COG7: variants seen among roughly 807,000 people sequenced by gnomAD.
COG7 encodes component of oligomeric golgi complex 7.
A neutral mutation model predicts 91.5 loss-of-function variants in COG7; 49 were observed. The ratio of observed to expected loss-of-function variants is 0.54; its 90% CI spans 0.43 to 0.68. The LOEUF (loss-of-function observed/expected upper bound fraction) is 0.68, where lower values mean the gene tolerates loss of function less well. COG7 is among the 30% of genes least tolerant of loss of function. The pLI, the probability that COG7 is intolerant of heterozygous loss-of-function variation, is 0.00. For synonymous variants in COG7, 365 were observed against 388.7 expected (o/e 0.94, Z 0.72); for missense variants, 895 against 961.3 (o/e 0.93, Z 0.91).
At chr16:23,429,258 G>C (rs1177447599) in intron 6 of COG7, among the ~76,000 whole-genome samples, 1 of 152,164 alleles carries the variant, frequency 6.6e-6, no homozygotes, top group African/African-American at 2.4e-5. Flanking sequence ...CCAAAGTGCT[G>C]AGATTACAGG....
intron 5 of COG7, 31 bp from the exon 6 acceptor site, chr16:23,433,698 G>A (rs1963969094): frequency 6.2e-7 from 1 of 1,613,180 alleles, no homozygotes; most frequent in East Asian, 2.2e-5. Flanking sequence ...GAACCTTATT[G>A]GGTACGTCAA....
chr16:23,403,904 T>C, intron 12 of COG7, 70 bp from the exon 13 acceptor site: 1 of 1,590,166 alleles, frequency 6.3e-7, no homozygotes, highest in Non-Finnish European at 8.6e-7. Context: ...TAGTTAACCA[T>C]TTTGAAAACT....
At chr16:23,440,395 G>A (rs1964082033) in intron 4 of COG7, among the ~76,000 whole-genome samples, 1 of 149,268 alleles carries the variant, frequency 6.7e-6, no homozygotes, top group Non-Finnish European at 1.5e-5. Flanking sequence ...AAGAATCTAA[G>A]GTATTACAAT....
At chr16:23,403,054 G>A (rs756606778) in intron 13 of COG7, among the ~76,000 whole-genome samples, 34 of 152,194 alleles carry the variant, frequency 2.2e-4, no homozygotes, top group African/African-American at 4.8e-4. Context: ...GGGCTGTCCC[G>A]CCCAGTAATC....
Position 23,426,834 on chromosome 16 carries a change from AAAAG to A in COG7, c.811-1891_811-1888del, listed in dbSNP as rs1227960398. 1.6e-3 allele frequency among the ~76,000 whole-genome samples: 240 copies of A among 146,060 alleles called. 1 individual carries two copies. The highest frequency in any genetic ancestry group is 3.4e-3 in the Middle Eastern group (1 of 290). ...GCAATTGGACAAAAAAAAAAAAAAA[AAAAG>A]AAAGAAAGAAAGAAAGAAAGAAAAG... On this transcript the variant is annotated intron_variant, in intron 6 of 16. Transcript: ENST00000307149.
rs74015208 is a variant in COG7, at chr16:23,401,339, G to A, written c.1803+2355C>T. Among the ~76,000 whole-genome samples, 247 of 152,276 alleles carry A rather than the reference G, an allele frequency of 1.6e-3. 1 individual carries two copies. The highest frequency in any genetic ancestry group is 5.6e-3 in the African/African-American group (231 of 41,540). ...AAGCCACCTGCGCCCATTCCCAAGG[G>A]GCCACGGTGCTGTGGTGAAGCCGGA... On this transcript the variant is annotated intron_variant, in intron 13 of 16. Coordinates refer to ENST00000307149, the MANE Select transcript of COG7 (RefSeq NM_153603.4).
intron 6 of COG7, among the ~76,000 whole-genome samples, chr16:23,430,117 T>C (rs1339065485): frequency 6.6e-6 from 1 of 152,162 alleles, no homozygotes; most frequent in Non-Finnish European, 1.5e-5. Flanking sequence ...ATGAATGGGA[T>C]GGCATATTTA....
chr16:23,392,180 T>A (rs1251018084), intron 16 of COG7, 200 bp downstream of exon 16: 2 of 1,465,174 alleles, frequency 1.4e-6, no homozygotes, highest in Non-Finnish European at 1.8e-6. Flanking sequence ...CATAGATGTC[T>A]GAGCTTCAGC....
intron 4 of COG7, among the ~76,000 whole-genome samples, chr16:23,435,094 T>G (rs977586116): frequency 6.6e-6 from 1 of 152,206 alleles, no homozygotes; most frequent in African/African-American, 2.4e-5. Flanking sequence ...CTGGTCGCGG[T>G]AGCTCATGCC....
intron 11 of COG7, among the ~76,000 whole-genome samples, chr16:23,409,102 TG>T (rs1250825631): frequency 1.6e-5 from 2 of 125,174 alleles, no homozygotes. Flanking sequence ...TGCATGTGTG[TG>T]TGTGTGTGTG....
intron 6 of COG7, among the ~76,000 whole-genome samples, chr16:23,427,269 A>G (rs1315638891): frequency 6.6e-6 from 1 of 151,466 alleles, no homozygotes; most frequent in East Asian, 1.9e-4. Flanking sequence ...AAACAAACAA[A>G]CAAAAAAAAA....
chr16:23,419,675 G>A (rs1963720454), intron 7 of COG7, among the ~76,000 whole-genome samples: 5 of 150,616 alleles, frequency 3.3e-5, no homozygotes, highest in South Asian at 2.1e-4. Flanking sequence ...CTTGAACCCA[G>A]GAGGTGGAGG....
intron 11 of COG7, among the ~76,000 whole-genome samples, chr16:23,409,086 T>TGTGTGC (rs1555493316): frequency 4.1e-4 from 46 of 113,308 alleles, no homozygotes; most frequent in African/African-American, 1.7e-3. Flanking sequence ...TGTGTGTGTG[T>TGTGTGC]GTGCGTGCAT....
intron 14 of COG7, among the ~76,000 whole-genome samples, chr16:23,395,957 AG>A (rs1225540267): frequency 5.3e-5 from 8 of 152,348 alleles, no homozygotes; most frequent in South Asian, 4.1e-4. Flanking sequence ...TTACTTCAAA[AG>A]GTTGTGGTGA....
At chr16:23,433,439 T>A in intron 6 of COG7, 106 bp downstream of exon 6, 1 of 1,438,938 alleles carries the variant, frequency 6.9e-7, no homozygotes, top group Non-Finnish European at 9.7e-7. Context: ...AACGGGGAAG[T>A]TCTTTGAGCT....
chr16:23,444,551 C>G (rs1371981080), intron 3 of COG7, among the ~76,000 whole-genome samples: 1 of 150,408 alleles, frequency 6.6e-6, no homozygotes, highest in Non-Finnish European at 1.5e-5. Flanking sequence ...TGCTCTGTCC[C>G]TCAGCATAGT....
chr16:23,434,859 G>C, intron 4 of COG7, 141 bp from the exon 5 acceptor site: 1 of 677,542 alleles, frequency 1.5e-6, no homozygotes, highest in Non-Finnish European at 2.7e-6. Flanking sequence ...TCATGCATGA[G>C]GATCATAAAT....
chr16:23,433,825 A>G, intron 5 of COG7, among the ~76,000 whole-genome samples, 158 bp from the exon 6 acceptor site: 1 of 151,672 alleles, frequency 6.6e-6, no homozygotes, highest in Non-Finnish European at 1.5e-5. Context: ...GCAGGAAAAA[A>G]AAAAAAACAT....
At position 23,406,232 on chromosome 16, in the gene COG7, A is replaced by C; in HGVS notation, c.1506T>G (p.Ser502=). The part of the protein sequence containing the change: ...RILSTAGKYL[S]DSCSPRSLAG... ...CCAGGCTCCGGGGGCTGCAGGAATC[A>C]GATAGATACTTCCCAGCTGTGGACA... is the stretch of plus-strand genomic sequence containing the variant. Residue 502 remains serine, a synonymous_variant, in exon 12 of 17, where the codon TCT becomes TCG. Coordinates refer to ENST00000307149, the MANE Select transcript of COG7 (RefSeq NM_153603.4). 6.2e-7 allele frequency: 1 copy of C among 1,614,194 alleles called. No homozygotes were observed. The highest frequency in any genetic ancestry group is 8.5e-7 in the Non-Finnish European group (1 of 1,180,008).
Sources: gnomAD v4.1 joint callset for allele counts (sites outside exome capture counted in the v4.1 genomes callset) on GRCh38, gnomAD v4.1.1 for gene constraint, MANE v1.5 for transcripts, NCBI Gene and HGNC (gene_info 2026-07-23, HGNC 2026-07-21) for gene names.